Variants in ANK2 observed in about 807,000 individuals in gnomAD.
ANK2 encodes the protein ankyrin 2.
A neutral mutation model predicts 360.5 loss-of-function variants in ANK2; 83 were observed. The ratio of observed to expected loss-of-function variants is 0.23; its 90% CI spans 0.19 to 0.28. The LOEUF (loss-of-function observed/expected upper bound fraction) is 0.28. Among genes scored for constraint, ANK2 ranks in the 10% least tolerant of loss-of-function variants. ANK2 has a pLI of 1.00. For synonymous variants in ANK2, 1,740 were observed against 1,759.5 expected, an observed-to-expected ratio of 0.99 and a Z score of 0.28; for missense variants, 4,201 against 4,795.7, an observed-to-expected ratio of 0.88 and a Z score of 3.66.
At chr4:113,265,684 A>T (rs965409602) in intron 14 of ANK2, among the ~76,000 whole-genome samples, 5 of 152,012 alleles carry the variant, frequency 3.3e-5, no homozygotes, top group Non-Finnish European at 7.4e-5. Flanking sequence ...CTTCCTTTAC[A>T]TTGAATACAC....
chr4:112,974,839 T>C (rs1295679202), intron 2 of ANK2, among the ~76,000 whole-genome samples: 4 of 142,604 alleles, frequency 2.8e-5, no homozygotes, highest in African/African-American at 1.0e-4. Flanking sequence ...GGTAAAAGTA[T>C]AGAAAAAGAA....
rs2078294838 is a variant in ANK2 at position 113,308,464 on chromosome 4, G to A, written c.2549-2791G>A. On this transcript the variant is annotated intron_variant, in intron 23 of 45. Transcript: ENST00000357077. ...AATACAGATCTGTGTATTGTTAGTG[G>A]ACCTCTAAGTCCATGTGATAATATG... Among the ~76,000 whole-genome samples the A allele has an allele frequency of 2.0e-5, 3 of 152,176 alleles. No individual in the cohort carries two copies. The South Asian group carries it at 6.2e-4, about 31-fold the overall frequency.
At chr4:112,850,947 G>A (rs2064829701) in intron 1 of ANK2, among the ~76,000 whole-genome samples, 1 of 152,048 alleles carries the variant, frequency 6.6e-6, no homozygotes, top group Admixed American at 6.5e-5. Context: ...CAACTCTGAT[G>A]TATATGTTGA....
chr4:113,156,780 C>CTA lies in ANK2; in HGVS notation c.85-17620_85-17619dup, dbSNP rs10599338. 2.8e-3 allele frequency among the ~76,000 whole-genome samples: 413 copies of CTA among 148,216 alleles called. 1 individual carries two copies. Among genetic ancestry groups the CTA allele is most frequent in the African/African-American group, 8.4e-3 (342 of 40,716 alleles). On this transcript the variant is annotated intron_variant, in intron 1 of 45. Coordinates refer to ENST00000357077, the MANE Select transcript of ANK2 (RefSeq NM_001148.6). The stretch of plus-strand genomic sequence containing the variant: ...TCTTTTATAGTCATTTTCAAATGTC[C>CTA]TATATATATATATATATTATATATA...
At chr4:113,118,347 G>A (rs527628631) in intron 1 of ANK2, among the ~76,000 whole-genome samples, 1 of 152,280 alleles carries the variant, frequency 6.6e-6, no homozygotes, top group East Asian at 1.9e-4. Flanking sequence ...ACATAGCTCT[G>A]GGATTAGGGA....
intron 2 of ANK2, among the ~76,000 whole-genome samples, chr4:112,920,299 G>C (rs2151158890): frequency 6.6e-6 from 1 of 152,252 alleles, no homozygotes; most frequent in East Asian, 1.9e-4. Flanking sequence ...AAAACATACT[G>C]TGTGCTGGCA....
At chr4:113,115,468 A>G (rs917937791) in intron 1 of ANK2, among the ~76,000 whole-genome samples, 1 of 152,164 alleles carries the variant, frequency 6.6e-6, no homozygotes. Context: ...CAACAATACA[A>G]CACTGATCCA....
intron 4 of ANK2, among the ~76,000 whole-genome samples, chr4:113,211,046 C>CAA (rs1431115141): frequency 1.3e-5 from 2 of 152,256 alleles, no homozygotes; most frequent in South Asian, 4.1e-4. Context: ...TATTGCTCAA[C>CAA]AAAATCTATA....
In ANK2 at chr4:113,353,637, G is replaced by T. The variant is rs2095555019; in HGVS notation, c.5019G>T (p.Arg1673Ser). Reference sequence around the variant, plus strand: ...AATGTGAGGCTCTGGCTGTTGGCAGGAGCTCTGAAAAGGAAGGGAAAGACA... The same window carrying T: ...AATGTGAGGCTCTGGCTGTTGGCAGTAGCTCTGAAAAGGAAGGGAAAGACA... ...GKKCEALAVG[R>S]SSEKEGKDIP... Residue 1673 changes from arginine to serine, a missense_variant, in exon 38 of 46, where the codon AGG becomes AGT. Arg to Ser is a moderately radical substitution (Grantham distance 110). Transcript: ENST00000357077. The T allele has an allele frequency of 6.2e-7, 1 of 1,613,922 alleles. No individual in the cohort carries two copies.
chr4:113,221,127 T>C (rs1159903), intron 4 of ANK2, among the ~76,000 whole-genome samples: 62,547 of 151,930 alleles, frequency 0.41, 13,682 homozygotes, highest in Non-Finnish European at 0.5. Flanking sequence ...GAGCCAGGCA[T>C]TGACTCGTAG....
intron 14 of ANK2, 28 bp from the exon 15 acceptor site, chr4:113,274,423 AC>A: frequency 6.2e-7 from 1 of 1,609,792 alleles, no homozygotes; most frequent in East Asian, 2.2e-5. Flanking sequence ...TCTGCCCGGC[AC>A]TAACTTTTTA....
At chr4:113,137,201 T>C (rs2096461404) in intron 1 of ANK2, among the ~76,000 whole-genome samples, 1 of 152,230 alleles carries the variant, frequency 6.6e-6, no homozygotes. Flanking sequence ...TGGAAAGATC[T>C]CCTTGGCTAA....
chr4:112,923,823 G>C (rs1253705549), intron 2 of ANK2, among the ~76,000 whole-genome samples: 1 of 152,130 alleles, frequency 6.6e-6, no homozygotes, highest in African/African-American at 2.4e-5. Context: ...AAAACGCCCA[G>C]ATTCTTGGAA....
At chr4:112,747,542 G>GA in the ANK2 span, among the ~76,000 whole-genome samples, 3 of 152,128 alleles carry the variant, frequency 2.0e-5, no homozygotes, top group African/African-American at 4.8e-5. Context: ...GCTTGTGAAA[G>GA]AAAAAGGAAG....
At chr4:112,787,744 G>A in the ANK2 span, among the ~76,000 whole-genome samples, 4 of 152,144 alleles carry the variant, frequency 2.6e-5, no homozygotes, top group Admixed American at 6.5e-5. Context: ...CAGTTGGAAG[G>A]GGGGCACTTT....
intron 1 of ANK2, among the ~76,000 whole-genome samples, chr4:112,823,952 T>C (rs1206470844): frequency 4.6e-5 from 7 of 152,246 alleles, no homozygotes; most frequent in Admixed American, 3.3e-4. Context: ...ATGGAAGTTA[T>C]AGATGGATTT....
chr4:113,130,948 A>G (rs2095987090), intron 1 of ANK2, among the ~76,000 whole-genome samples: 3 of 152,238 alleles, frequency 2.0e-5, no homozygotes. Context: ...ATTTTTATAA[A>G]TTAACAAGGA....
the ANK2 span, among the ~76,000 whole-genome samples, chr4:112,753,408 G>C: frequency 1.3e-5 from 2 of 152,152 alleles, no homozygotes; most frequent in Admixed American, 1.3e-4. Context: ...CACAAACCTA[G>C]ATGTTAGAGC....
Position 113,358,261 on chromosome 4 carries a change from A to G in ANK2, c.9643A>G (p.Lys3215Glu), listed in dbSNP as rs2095936424. The G allele has an allele frequency of 1.9e-6, 3 of 1,614,064 alleles. No individual in the cohort carries two copies. Reference protein sequence around the residue: ...GISASTETPTKEAVSVGTKDL... With the variant: ...GISASTETPTEEAVSVGTKDL... ...TTCAGCCTCCACTGAAACACCTACA[A>G]AAGAAGCTGTTAGTGTAGGGACCAA... The change falls in exon 38 of 46, where the codon AAA becomes GAA. Residue 3215 changes from lysine (K) to glutamate (E), a missense_variant. By Grantham distance (56) the Lys-to-Glu change is moderately conservative. This residue lies in a region of ANK2 where 2,642 missense variants were observed against 2,714.5 expected (regional missense o/e 0.97). Transcript: ENST00000357077.
Sources: allele counts gnomAD v4.1 joint callset (sites outside exome capture counted in the v4.1 genomes callset), GRCh38; gene constraint gnomAD v4.1.1; regional missense constraint gnomAD v4.1.1; transcripts MANE v1.5; gene names NCBI Gene and HGNC (gene_info 2026-07-23, HGNC 2026-07-21).